The following ZNF862 variants were observed in gnomAD, a reference collection of about 807,000 sequenced individuals.
The protein encoded by ZNF862 is zinc finger protein 862.
Under a neutral mutation model 91.1 loss-of-function variants are expected in ZNF862, and 64 were observed. The ratio of observed to expected loss-of-function variants is 0.70; its 90% CI spans 0.57 to 0.87. ZNF862 has a LOEUF of 0.87. Among genes scored for constraint, ZNF862 ranks in the 40% least tolerant of loss-of-function variants. The probability of loss-of-function intolerance (pLI) is 0.00; values close to 1 mark genes in which losing one functional copy is unlikely to be tolerated. For missense variants in ZNF862, 1,459 were observed against 1,528.0 expected (o/e 0.95, Z 0.75); for synonymous variants, 631 against 618.1 (o/e 1.02, Z -0.31).
rs368345043 is a variant in ZNF862, at chr7:149,838,457, C to T, written c.-155C>T. ...CTGGGTCCACCGGCGCTACCGCCCC[C>T]CGACGTGAGAGAGCGAAGTTCTTGG... On this transcript the variant is annotated 5_prime_UTR_variant, in exon 1 of 8. Transcript: ENST00000223210. 1 of 443,406 alleles carries T rather than the reference C, an allele frequency of 2.3e-6. No homozygotes were observed. The highest frequency in any genetic ancestry group is 3.7e-6 in the Non-Finnish European group (1 of 267,696). 27.5% of individuals were successfully genotyped at this position (443,406 alleles called of 1,614,324 possible).
chr7:149,864,602 G>A lies in ZNF862; in HGVS notation c.*318G>A. 1 of 287,632 alleles carries A rather than the reference G, an allele frequency of 3.5e-6. No homozygotes were observed. The highest frequency in any genetic ancestry group is 7.1e-5 in the East Asian group (1 of 14,060). 17.8% of individuals were successfully genotyped at this position (287,632 alleles called of 1,614,324 possible). Reference sequence around the variant, plus strand: ...CCCCTGAGTTTTGGTGGCAAGAGGAGTGTCCTGGTAGGGGAGACTGTTGGA... The same window carrying A: ...CCCCTGAGTTTTGGTGGCAAGAGGAATGTCCTGGTAGGGGAGACTGTTGGA... On this transcript the variant is annotated 3_prime_UTR_variant, in exon 8 of 8. Coordinates refer to ENST00000223210, the MANE Select transcript of ZNF862 (RefSeq NM_001099220.3).
Position 149,850,165 on chromosome 7 carries a change from C to G in ZNF862, c.944C>G (p.Pro315Arg). Residue 315 changes from proline (P) to arginine (R), a missense_variant, in exon 5 of 8, where the codon CCT (proline) becomes CGT (arginine). Physicochemically the swap from Pro to Arg is moderately radical, Grantham distance 103. Transcript: ENST00000223210. This position sits in a 1 kb window ranked among gnomAD's most constrained non-coding sequence, Gnocchi z 4.2. Reference protein sequence around the residue: ...NDAVESCIQDPSAEGLSEEVP... With the variant: ...NDAVESCIQDRSAEGLSEEVP... ...GGCCGCTGCTCTTTGTTCCAGGACC[C>G]TTCTGCAGAGGGGCTGTCGGAGGAG... 6.4e-7 allele frequency: 1 copy of G among 1,563,582 alleles called. No individual in the cohort carries two copies.
At position 149,864,147 on chromosome 7, in the gene ZNF862, G is replaced by C; in HGVS notation, c.3373G>C (p.Val1125Leu). The C allele has an allele frequency of 6.3e-7, 1 of 1,592,882 alleles. No homozygotes were observed. The highest frequency in any genetic ancestry group is 2.3e-5 in the East Asian group (1 of 43,884). ...LRKEEMGALY[V>L]EEPRTQKPPI... Reference sequence around the variant, plus strand: ...GAAGGAGGAGATGGGAGCCCTCTATGTGGAGGAGCCCAGGACCCAGAAGCC... The same window carrying C: ...GAAGGAGGAGATGGGAGCCCTCTATCTGGAGGAGCCCAGGACCCAGAAGCC... The change falls in exon 8 of 8, where the codon GTG (valine) becomes CTG (leucine). Residue 1125 changes from valine (V) to leucine (L), a missense_variant. Physicochemically the swap from Val to Leu is conservative, Grantham distance 32 (BLOSUM62 1). Coordinates refer to ENST00000223210, the MANE Select transcript of ZNF862 (RefSeq NM_001099220.3).
chr7:149,841,503 C>T, intron 1 of ZNF862: 1 of 983,042 alleles, frequency 1.0e-6, no homozygotes, highest in Non-Finnish European at 1.2e-6. Flanking sequence ...TGACTTGACT[C>T]TTACATCCCC....
rs755571302 is a variant in ZNF862, at chr7:149,861,942, G to A, written c.2782G>A (p.Gly928Arg). The change falls in exon 7 of 8, where the codon GGG becomes AGG. Residue 928 changes from glycine to arginine, a missense_variant. Coordinates refer to ENST00000223210, the MANE Select transcript of ZNF862 (RefSeq NM_001099220.3). The surrounding 1 kb of genome is among the most constrained non-coding windows in gnomAD (Gnocchi z 6.7). ...GGATAGGGAGAGGACAGTCCTGACG[G>A]GGATTGAGTACCTCCAGCAGAGGTT... ...QADRERTVLT[G>R]IEYLQQRFDA... is the part of the protein sequence containing the mutation. 37 of 1,613,682 alleles carry A rather than the reference G, an allele frequency of 2.3e-5. No homozygotes were observed. Among genetic ancestry groups the A allele is most frequent in the South Asian group, 2.1e-4 (19 of 91,086 alleles).
In ZNF862 at chr7:149,861,354, G is replaced by C. The variant is rs570984201; in HGVS notation, c.2194G>C (p.Ala732Pro). The C allele has an allele frequency of 3.4e-5, 55 of 1,613,074 alleles. No homozygotes were observed. The East Asian group carries it at 1.1e-3, about 33-fold the overall frequency. Residue 732 changes from alanine to proline, a missense_variant, in exon 7 of 8, where the codon GCT becomes CCT. Coordinates refer to ENST00000223210, the MANE Select transcript of ZNF862 (RefSeq NM_001099220.3). The surrounding 1 kb of genome is among the most constrained non-coding windows in gnomAD (Gnocchi z 6.7). ...VHCVAHRLHL[A>P]VVDACGSIDL... ...CTGCGTGGCCCACCGGCTGCACCTG[G>C]CTGTGGTGGACGCCTGCGGGAGCAT...
intron 3 of ZNF862, 128 bp from the exon 4 acceptor site, chr7:149,847,607 G>A: frequency 3.3e-6 from 2 of 610,684 alleles, no homozygotes; most frequent in Non-Finnish European, 5.5e-6. Context: ...GTGTGTGTGT[G>A]TGTGTGTGTG....
At chr7:149,842,627 G>C (rs1801744482) in intron 1 of ZNF862, among the ~76,000 whole-genome samples, 2 of 152,228 alleles carry the variant, frequency 1.3e-5, no homozygotes, top group Admixed American at 6.5e-5. Flanking sequence ...TGGAGCTAAC[G>C]TGATGGGCTC....
At position 149,862,382 on chromosome 7, in the gene ZNF862, C is replaced by T. The variant is rs377549964; in HGVS notation, c.3222C>T (p.Ala1074=). The stretch of plus-strand genomic sequence containing the variant: ...TGATGACAGCTGTGAACGGCGTGGC[C>T]GTCACGGAGTACGACCCCCAGCCCG... ...MLMMTAVNGV[A]VTEYDPQPAI... The change falls in exon 7 of 8, where the codon GCC becomes GCT. Residue 1074 remains alanine (A), a synonymous_variant. Transcript: ENST00000223210. 63 of 1,612,682 alleles carry T rather than the reference C, an allele frequency of 3.9e-5. No homozygotes were observed. Among genetic ancestry groups the T allele is most frequent in the Middle Eastern group, 1.6e-4 (1 of 6,062 alleles).
Position 149,855,178 on chromosome 7 carries a change from C to T in ZNF862, c.1118-4244C>T, listed in dbSNP as rs1192631716. On this transcript the variant is annotated intron_variant, in intron 5 of 7. Transcript: ENST00000223210. This position sits in a 1 kb window ranked among gnomAD's most constrained non-coding sequence, Gnocchi z 4.1. Reference sequence around the variant, plus strand: ...GTATAGACCCAGCAGGAGAGCGTGCCTGTGAGCTCACAAGCATGCTGGAAC... The same window carrying T: ...GTATAGACCCAGCAGGAGAGCGTGCTTGTGAGCTCACAAGCATGCTGGAAC... 1.3e-5 allele frequency among the ~76,000 whole-genome samples: 2 copies of T among 152,218 alleles called. No homozygotes were observed. Among genetic ancestry groups the T allele is most frequent in the Non-Finnish European group, 2.9e-5 (2 of 68,036 alleles).
rs746176811 is a variant in ZNF862 at position 149,860,823 on chromosome 7, A to G, written c.1663A>G (p.Met555Val). 1.2e-5 allele frequency: 20 copies of G among 1,613,796 alleles called. No homozygotes were observed. The highest frequency in any genetic ancestry group is 1.6e-5 in the Non-Finnish European group (19 of 1,179,882). The change falls in exon 7 of 8, where the codon ATG (methionine) becomes GTG (valine). Residue 555 changes from methionine to valine, a missense_variant. Transcript: ENST00000223210. ...PEISSDLMAN[M>V]EHFFNAAYSI... ...GATCTCCAGCGACCTCATGGCCAACATGGAGCACTTTTTCAATGCCGCCTA... is the reference window on the plus strand; with the variant it reads ...GATCTCCAGCGACCTCATGGCCAACGTGGAGCACTTTTTCAATGCCGCCTA...
At chr7:149,856,140 T>C (rs933864130) in intron 5 of ZNF862, 6 of 152,262 alleles carry the variant, frequency 3.9e-5, no homozygotes, top group African/African-American at 7.2e-5. Flanking sequence ...CATGTGTCCG[T>C]GTCTGGCTTT....
intron 5 of ZNF862, among the ~76,000 whole-genome samples, chr7:149,853,072 A>G (rs1802122512): frequency 6.6e-6 from 1 of 152,212 alleles, no homozygotes; most frequent in African/African-American, 2.4e-5. Flanking sequence ...AACCAAGGTG[A>G]GGGGCTAGAG....
chr7:149,841,465 A>G (rs1288335161), intron 1 of ZNF862: 3 of 977,340 alleles, frequency 3.1e-6, no homozygotes, highest in South Asian at 4.7e-5. Context: ...TAAAATTCTC[A>G]TGTTCATTTA....
chr7:149,862,387 C>G lies in ZNF862; in HGVS notation c.3227C>G (p.Thr1076Arg). The G allele has an allele frequency of 1.2e-6, 2 of 1,612,714 alleles. No homozygotes were observed. The highest frequency in any genetic ancestry group is 2.2e-5 in the South Asian group (2 of 90,906). ...ACAGCTGTGAACGGCGTGGCCGTCA[C>G]GGAGTACGACCCCCAGCCCGCCATC... ...MMTAVNGVAVTEYDPQPAIQH... is the reference protein window; with the variant it reads ...MMTAVNGVAVREYDPQPAIQH... Residue 1076 changes from threonine (T) to arginine (R), a missense_variant, in exon 7 of 8, where the codon ACG becomes AGG. Thr to Arg is a moderately conservative substitution (Grantham distance 71, BLOSUM62 -1). Transcript: ENST00000223210.
At chr7:149,849,657 A>G (rs773311475) in intron 4 of ZNF862, among the ~76,000 whole-genome samples, 1 of 152,180 alleles carries the variant, frequency 6.6e-6, no homozygotes, top group Non-Finnish European at 1.5e-5. Flanking sequence ...CCTGTTCCTG[A>G]TATTTTTTAG....
intron 5 of ZNF862, chr7:149,858,702 T>C (rs899053154): frequency 6.6e-6 from 1 of 152,590 alleles, no homozygotes; most frequent in African/African-American, 2.4e-5. Context: ...ACAATATTCC[T>C]ATTTTAAGTA....
Position 149,867,467 on chromosome 7 carries a change from C to T in ZNF862, c.*3183C>T, listed in dbSNP as rs567342006. 1 of 152,338 alleles carries T rather than the reference C, an allele frequency of 6.6e-6. No individual in the cohort carries two copies. Among genetic ancestry groups the T allele is most frequent in the East Asian group, 1.9e-4 (1 of 5,180 alleles). 9.4% of individuals were successfully genotyped at this position (152,338 alleles called of 1,614,324 possible). On this transcript the variant is annotated 3_prime_UTR_variant, in exon 8 of 8. Coordinates refer to ENST00000223210, the MANE Select transcript of ZNF862 (RefSeq NM_001099220.3). Reference sequence around the variant, plus strand: ...TTTTGCTACCTGAATAAAGCAGAGTCTATTTCAACACATCTCTGTCTTGTG... The same window carrying T: ...TTTTGCTACCTGAATAAAGCAGAGTTTATTTCAACACATCTCTGTCTTGTG...
At position 149,862,281 on chromosome 7, in the gene ZNF862, C is replaced by T. The variant is rs373616245; in HGVS notation, c.3121C>T (p.Arg1041Trp). Reference protein sequence around the residue: ...CVPISTSCCERGFKAMNRIRT... With the variant: ...CVPISTSCCEWGFKAMNRIRT... ...GCCCATCTCCACCTCTTGCTGTGAG[C>T]GGGGGTTCAAGGCCATGAACCGAAT... The change falls in exon 7 of 8, where the codon CGG becomes TGG. Residue 1041 changes from arginine to tryptophan, a missense_variant. By Grantham distance (101) the Arg-to-Trp change is moderately radical (BLOSUM62 -3). Coordinates refer to ENST00000223210, the MANE Select transcript of ZNF862 (RefSeq NM_001099220.3). 31 of 1,613,606 alleles carry T rather than the reference C, an allele frequency of 1.9e-5. No individual in the cohort carries two copies. Among genetic ancestry groups the T allele is most frequent in the East Asian group, 2.2e-5 (1 of 44,862 alleles).
Sources: gnomAD v4.1 joint callset for allele counts (sites outside exome capture counted in the v4.1 genomes callset) on GRCh38, gnomAD v4.1.1 for gene constraint, Gnocchi (gnomAD v3.1) non-coding constraint, MANE v1.5 for transcripts, NCBI Gene and HGNC (gene_info 2026-07-23, HGNC 2026-07-21) for gene names.